The following MDGA2 variants were observed in gnomAD, a reference collection of about 807,000 sequenced individuals.
MDGA2 encodes MAM domain-containing glycosylphosphatidylinositol anchor protein 2.
Under a neutral mutation model 117.8 loss-of-function variants are expected in MDGA2, and 40 were observed. The ratio of observed to expected loss-of-function variants is 0.34; its 90% confidence interval spans 0.26 to 0.44. The LOEUF (loss-of-function observed/expected upper bound fraction) is 0.44, where lower values mean the gene tolerates loss of function less well. Among genes scored for constraint, MDGA2 ranks in the 20% least tolerant of loss-of-function variants. MDGA2 has a pLI of 1.00. For synonymous variants in MDGA2, 452 were observed against 439.0 expected, an observed-to-expected ratio of 1.03 and a Z score of -0.37; for missense variants, 1,123 against 1,250.6, an observed-to-expected ratio of 0.90 and a Z score of 1.54.
Position 46,882,221 on chromosome 14 carries a change from C to A in MDGA2, c.2239G>T (p.Ala747Ser), listed in dbSNP as rs1364631205. The A allele has an allele frequency of 6.2e-7, 1 of 1,604,154 alleles. No homozygotes were observed. Among genetic ancestry groups the A allele is most frequent in the Non-Finnish European group, 8.5e-7 (1 of 1,175,146 alleles). The change falls in exon 11 of 17, where the codon GCT (alanine) becomes TCT (serine). Residue 747 changes from alanine to serine, a missense_variant and splice_region_variant. Ala to Ser is a moderately conservative substitution (Grantham distance 99, BLOSUM62 1). This residue lies in a region of MDGA2 where 890 missense variants were observed against 1,050.3 expected (regional missense o/e 0.85). Transcript: ENST00000399232. Reference sequence around the variant, plus strand: ...TGCTCCCACCAGCGCTGCTGTCCAGCCTGAAATCAAAACAATAATAGAATA... The same window carrying A: ...TGCTCCCACCAGCGCTGCTGTCCAGACTGAAATCAAAACAATAATAGAATA... ...IVAYRLGIRQ[A>S]GQQRWWEQEI...
chr14:47,448,360 G>A (rs957444010), intron 1 of MDGA2, among the ~76,000 whole-genome samples: 4 of 151,850 alleles, frequency 2.6e-5, no homozygotes, highest in African/African-American at 7.3e-5. Context: ...GGCTGGTCTC[G>A]AACTCCTGGC....
At chr14:47,565,129 C>T (rs1186910369) in intron 1 of MDGA2, among the ~76,000 whole-genome samples, 1 of 152,124 alleles carries the variant, frequency 6.6e-6, no homozygotes, top group African/African-American at 2.4e-5. Flanking sequence ...CCATTTCAGC[C>T]TAGTTAAGAA....
intron 3 of MDGA2, among the ~76,000 whole-genome samples, chr14:47,181,961 T>C (rs1383832575): frequency 6.6e-6 from 1 of 152,166 alleles, no homozygotes; most frequent in Non-Finnish European, 1.5e-5. Context: ...AATTATTTCT[T>C]TGTTCCTATA....
intron 3 of MDGA2, among the ~76,000 whole-genome samples, chr14:47,191,663 A>T (rs2139407629): frequency 6.6e-6 from 1 of 152,158 alleles, no homozygotes; most frequent in Admixed American, 6.5e-5. Flanking sequence ...AATAATATAA[A>T]TTTTCCCACT....
intron 8 of MDGA2, among the ~76,000 whole-genome samples, chr14:47,000,419 A>ATT (rs1491534134): frequency 7.7e-6 from 1 of 129,712 alleles, no homozygotes; most frequent in Non-Finnish European, 1.7e-5. Context: ...TTATATATAT[A>ATT]CACATATAAA....
intron 4 of MDGA2, among the ~76,000 whole-genome samples, chr14:47,132,512 TGCAA>T (rs1261173582): frequency 6.6e-6 from 1 of 151,874 alleles, no homozygotes; most frequent in African/African-American, 2.4e-5. Context: ...TGTAGATAGA[TGCAA>T]ATCAAGCAAG....
chr14:47,100,584 A>AT (rs1466943123), intron 5 of MDGA2, among the ~76,000 whole-genome samples: 14 of 152,172 alleles, frequency 9.2e-5, no homozygotes, highest in African/African-American at 3.4e-4. Context: ...TGTGAGATAG[A>AT]TTATTAGTTT....
intron 1 of MDGA2, among the ~76,000 whole-genome samples, chr14:47,326,765 G>C (rs1375646588): frequency 6.6e-6 from 1 of 151,846 alleles, no homozygotes; most frequent in Non-Finnish European, 1.5e-5. Flanking sequence ...CAGGGAAATT[G>C]GTTATGGCTT....
chr14:47,404,190 C>CT lies in MDGA2; in HGVS notation c.281-102641dup, dbSNP rs34502521. 2.6e-3 allele frequency among the ~76,000 whole-genome samples: 386 copies of CT among 147,310 alleles called. 1 individual carries two copies. The highest frequency in any genetic ancestry group is 5.0e-3 in the African/African-American group (200 of 39,936). On this transcript the variant is annotated intron_variant, in intron 1 of 16. Transcript: ENST00000399232. ...AAGAAATTTATTCTATAATACCAAC[C>CT]TTTTTTTTTTTTTAAGACAGGGTCT...
intron 1 of MDGA2, among the ~76,000 whole-genome samples, chr14:47,392,920 A>T (rs1031647036): frequency 6.6e-6 from 1 of 152,092 alleles, no homozygotes; most frequent in African/African-American, 2.4e-5. Flanking sequence ...GCATCTCGTT[A>T]CTTTTATTTC....
intron 2 of MDGA2, among the ~76,000 whole-genome samples, chr14:47,274,336 GT>G (rs1555368985): frequency 3.5e-4 from 53 of 150,966 alleles, no homozygotes; most frequent in African/African-American, 1.1e-3. Flanking sequence ...TATGCACGAT[GT>G]TTTTTTTTAT....
At chr14:47,305,220 C>A (rs947549542) in intron 1 of MDGA2, 2 of 152,140 alleles carry the variant, frequency 1.3e-5, no homozygotes, top group African/African-American at 4.8e-5. Context: ...ATGCAATTTG[C>A]AGTTTTATAC....
intron 1 of MDGA2, among the ~76,000 whole-genome samples, chr14:47,626,899 C>G (rs879671790): frequency 6.6e-6 from 1 of 152,274 alleles, no homozygotes; most frequent in Non-Finnish European, 1.5e-5. Flanking sequence ...AGGCGCACGG[C>G]GCTGGACTGG....
At chr14:46,896,111 G>C (rs996837622) in intron 10 of MDGA2, among the ~76,000 whole-genome samples, 2 of 151,984 alleles carry the variant, frequency 1.3e-5, no homozygotes, top group Non-Finnish European at 2.9e-5. Flanking sequence ...GTTTTGTTAG[G>C]CTATTTTAGC....
intron 1 of MDGA2, among the ~76,000 whole-genome samples, chr14:47,548,594 T>A (rs1895511651): frequency 6.6e-6 from 1 of 152,186 alleles, no homozygotes. Flanking sequence ...AGCTTTTGAA[T>A]AGGAGCTCTC....
rs1883807097 is a variant in MDGA2 at position 47,165,040 on chromosome 14, G to A, written c.596-20766C>T. ...GCCACATGTTCTCACTCATAGGTGG[G>A]AATTGAACAATGAGAACACCTGGAC... On this transcript the variant is annotated intron_variant, in intron 3 of 16. Transcript: ENST00000399232. 2.6e-5 allele frequency among the ~76,000 whole-genome samples: 4 copies of A among 151,974 alleles called. No individual in the cohort carries two copies. The South Asian group carries it at 8.3e-4, about 32-fold the overall frequency.
chr14:46,873,689 G>C, intron 13 of MDGA2, 98 bp from the exon 14 acceptor site: 1 of 1,099,326 alleles, frequency 9.1e-7, no homozygotes, highest in Non-Finnish European at 1.3e-6. Context: ...ACAAAATAAA[G>C]ATGGATAGGA....
At chr14:46,912,417 C>T (rs1259274999) in intron 10 of MDGA2, among the ~76,000 whole-genome samples, 1 of 152,076 alleles carries the variant, frequency 6.6e-6, no homozygotes, top group African/African-American at 2.4e-5. Context: ...ATATCTAATG[C>T]TTTTGACTTG....
chr14:47,255,718 T>TGG (rs1887594983), intron 2 of MDGA2, among the ~76,000 whole-genome samples: 1 of 152,078 alleles, frequency 6.6e-6, no homozygotes, highest in Non-Finnish European at 1.5e-5. Context: ...TTCTGTCAAC[T>TGG]GCTTGTCATA....
Sources: allele counts gnomAD v4.1 joint callset (sites outside exome capture counted in the v4.1 genomes callset), GRCh38; gene constraint gnomAD v4.1.1; regional missense constraint gnomAD v4.1.1; transcripts MANE v1.5; gene names NCBI Gene and HGNC (gene_info 2026-07-23, HGNC 2026-07-21).